LCOR: variants seen among roughly 807,000 people sequenced by gnomAD.
LCOR encodes ligand dependent nuclear receptor corepressor, also known as ligand-dependent corepressor.
A neutral mutation model predicts 64.4 loss-of-function variants in LCOR; 14 were observed. That is an observed-to-expected ratio of 0.22 (90% confidence interval 0.14 to 0.34). The LOEUF (loss-of-function observed/expected upper bound fraction) is 0.34. Among genes scored for constraint, LCOR ranks in the 10% least tolerant of loss-of-function variants. LCOR has a pLI of 1.00. For synonymous variants in LCOR, 643 were observed against 642.5 expected (o/e 1.00, Z -0.01); for missense variants, 1,686 against 1,765.3 (o/e 0.96, Z 0.80).
intron 3 of LCOR, 37 bp from the exon 4 acceptor site, chr10:96,907,631 C>A (rs1846752462): frequency 7.8e-6 from 6 of 773,320 alleles, no homozygotes; most frequent in South Asian, 5.9e-5. Flanking sequence ...CCTAAAAATT[C>A]TCTTTTATGA....
In LCOR at chr10:96,988,423, A is replaced by C. The variant is rs1033473494; in HGVS notation, c.*3289A>C. 6.6e-6 allele frequency: 1 copy of C among 152,196 alleles called. No homozygotes were observed. Among genetic ancestry groups the C allele is most frequent in the African/African-American group, 2.4e-5 (1 of 41,456 alleles). 9.4% of individuals were successfully genotyped at this position (152,196 alleles called of 1,614,324 possible). On this transcript the variant is annotated 3_prime_UTR_variant, in exon 8 of 8. Transcript: ENST00000421806. ...TGAGTCTCCTGCTGTATTGTTCCTA[A>C]AATCGTATGGATAGAAGAGGTGCCC... is the stretch of plus-strand genomic sequence containing the variant.
intron 2 of LCOR, among the ~76,000 whole-genome samples, chr10:96,868,792 C>T (rs1396657404): frequency 2.6e-5 from 4 of 152,174 alleles, no homozygotes; most frequent in Admixed American, 1.3e-4. Flanking sequence ...TTTTAAGCCT[C>T]TTGATGATAG....
intron 7 of LCOR, among the ~76,000 whole-genome samples, chr10:96,971,673 C>T (rs1848000585): frequency 1.3e-5 from 2 of 152,124 alleles, no homozygotes; most frequent in South Asian, 4.1e-4. Context: ...GAGATTTGGG[C>T]TTTAGGAAGT....
At chr10:96,876,746 G>A (rs961567412) in intron 2 of LCOR, among the ~76,000 whole-genome samples, 4 of 152,114 alleles carry the variant, frequency 2.6e-5, no homozygotes, top group Non-Finnish European at 5.9e-5. Context: ...CTAGAGTGCA[G>A]TGGTGCGATC....
intron 2 of LCOR, among the ~76,000 whole-genome samples, chr10:96,856,101 C>T (rs538594933): frequency 2.8e-4 from 42 of 151,642 alleles, no homozygotes; most frequent in Admixed American, 7.2e-4. Flanking sequence ...GACGGAGTCT[C>T]GCTCTGTTGC....
At chr10:96,940,094 C>A (rs1847423288) in intron 4 of LCOR, among the ~76,000 whole-genome samples, 1 of 152,056 alleles carries the variant, frequency 6.6e-6, no homozygotes, top group African/African-American at 2.4e-5. Context: ...GAGATAATAC[C>A]ACTTCTTATC....
At position 96,985,810 on chromosome 10, in the gene LCOR, G is replaced by A. The variant is rs1346955469; in HGVS notation, c.*676G>A. 1 of 166,978 alleles carries A rather than the reference G, an allele frequency of 6.0e-6. No homozygotes were observed. Among genetic ancestry groups the A allele is most frequent in the African/African-American group, 2.4e-5 (1 of 41,422 alleles). 10.3% of individuals were successfully genotyped at this position (166,978 alleles called of 1,614,324 possible). On this transcript the variant is annotated 3_prime_UTR_variant, in exon 8 of 8. Coordinates refer to ENST00000421806, the MANE Select transcript of LCOR (RefSeq NM_001346516.2). ...TGAGAGCATGTATTCTAAATTATGT[G>A]CCCATGGGACAAGAGATATGTCACA...
intron 4 of LCOR, among the ~76,000 whole-genome samples, chr10:96,935,535 C>CTT (rs1224400377): frequency 2.0e-5 from 3 of 151,980 alleles, no homozygotes; most frequent in African/African-American, 7.3e-5. Context: ...GAAGGGTTGA[C>CTT]TTTACAAACA....
In LCOR at chr10:96,984,784, A is replaced by G; in HGVS notation, c.4324A>G (p.Arg1442Gly). 6.2e-7 allele frequency: 1 copy of G among 1,614,122 alleles called. No individual in the cohort carries two copies. Among genetic ancestry groups the G allele is most frequent in the Non-Finnish European group, 8.5e-7 (1 of 1,180,000 alleles). Residue 1442 changes from arginine (R) to glycine (G), a missense_variant, in exon 8 of 8, where the codon AGA becomes GGA. Arg to Gly is a moderately radical substitution (Grantham distance 125). This residue lies in a region of LCOR where 1,293 missense variants were observed against 1,410.4 expected (regional missense o/e 0.92). Coordinates refer to ENST00000421806, the MANE Select transcript of LCOR (RefSeq NM_001346516.2). ...PAAKRPAARD[R>G]SSQPPKKTSL... ...TGCCAAGAGGCCAGCTGCAAGGGAC[A>G]GAAGCAGCCAACCCCCCAAAAAGAC...
intron 2 of LCOR, among the ~76,000 whole-genome samples, chr10:96,892,375 C>T (rs930725047): frequency 6.6e-6 from 1 of 152,064 alleles, no homozygotes; most frequent in African/African-American, 2.4e-5. Flanking sequence ...TAATGCCTTT[C>T]TTAGTCCACT....
chr10:96,872,535 A>C (rs144017125), intron 2 of LCOR, among the ~76,000 whole-genome samples: 2 of 152,162 alleles, frequency 1.3e-5, no homozygotes, highest in African/African-American at 4.8e-5. Context: ...TCTACAAAAA[A>C]TCAGCTGGGC....
At chr10:96,843,044 C>T (rs1384840196) in intron 2 of LCOR, among the ~76,000 whole-genome samples, 3 of 152,150 alleles carry the variant, frequency 2.0e-5, no homozygotes, top group South Asian at 2.1e-4. Flanking sequence ...TTGTTTTTCA[C>T]GTTTTTTTAT....
chr10:96,929,464 C>T (rs1847220385), intron 4 of LCOR, among the ~76,000 whole-genome samples: 1 of 152,248 alleles, frequency 6.6e-6, no homozygotes, highest in South Asian at 2.1e-4. Flanking sequence ...TTCCTCACCT[C>T]TCAGCCTTCA....
intron 5 of LCOR, among the ~76,000 whole-genome samples, chr10:96,945,713 C>T (rs1772708770): frequency 1.3e-5 from 2 of 152,078 alleles, no homozygotes; most frequent in South Asian, 2.1e-4. Context: ...AGTCATTGAT[C>T]TGTTGTGTTG....
chr10:96,840,701 C>T (rs1376336411), intron 2 of LCOR, among the ~76,000 whole-genome samples: 1 of 152,154 alleles, frequency 6.6e-6, no homozygotes, highest in Non-Finnish European at 1.5e-5. Flanking sequence ...TCTAAAGGGA[C>T]TTTTCTTTAG....
At chr10:96,892,641 T>C (rs1265047562) in intron 2 of LCOR, among the ~76,000 whole-genome samples, 1 of 152,202 alleles carries the variant, frequency 6.6e-6, no homozygotes, top group African/African-American at 2.4e-5. Flanking sequence ...CCCCACTTCT[T>C]AATCCTATCA....
intron 4 of LCOR, among the ~76,000 whole-genome samples, chr10:96,923,732 A>G (rs1476482038): frequency 6.6e-6 from 1 of 152,202 alleles, no homozygotes; most frequent in Non-Finnish European, 1.5e-5. Flanking sequence ...TTATTCAGTG[A>G]TATCTTTGCT....
At chr10:96,960,884 T>A (rs1160688935) in intron 7 of LCOR, 1 of 152,146 alleles carries the variant, frequency 6.6e-6, no homozygotes, top group African/African-American at 2.4e-5. Context: ...GAGACTTGAA[T>A]AGGATTTGTG....
chr10:96,842,477 C>T (rs1845557480), intron 2 of LCOR, among the ~76,000 whole-genome samples: 1 of 152,062 alleles, frequency 6.6e-6, no homozygotes, highest in South Asian at 2.1e-4. Context: ...GAAAATTCCA[C>T]ATGTGAAAAT....
Sources: allele counts gnomAD v4.1 joint callset (sites outside exome capture counted in the v4.1 genomes callset), GRCh38; gene constraint gnomAD v4.1.1; regional missense constraint gnomAD v4.1.1; transcripts MANE v1.5; gene names NCBI Gene and HGNC (gene_info 2026-07-23, HGNC 2026-07-21).